Variants in GGNBP2 observed in about 807,000 individuals in gnomAD.
The protein encoded by GGNBP2 is gametogenetin binding protein 2.
GGNBP2 carries 10 observed loss-of-function variants against 85.9 expected under a neutral mutation model. The ratio of observed to expected loss-of-function variants is 0.12; its 90% confidence interval spans 0.07 to 0.20. The LOEUF is 0.20. Ranked by LOEUF, GGNBP2 falls within the 10% of genes least tolerant of loss-of-function variation. The probability of loss-of-function intolerance (pLI) is 1.00; values close to 1 mark genes in which losing one functional copy is unlikely to be tolerated. For synonymous variants in GGNBP2, 287 were observed against 285.7 expected, an observed-to-expected ratio of 1.00 and a Z score of -0.05; for missense variants, 595 against 857.8, an observed-to-expected ratio of 0.69 and a Z score of 3.83.
chr17:36,555,363 C>T (rs907872551), intron 3 of GGNBP2, among the ~76,000 whole-genome samples: 2 of 152,088 alleles, frequency 1.3e-5, no homozygotes, highest in Non-Finnish European at 2.9e-5. Flanking sequence ...GTTCAAGGAT[C>T]CCTAGGCAAA....
intron 8 of GGNBP2, among the ~76,000 whole-genome samples, chr17:36,580,038 C>CA (rs373447873): frequency 3.0e-4 from 46 of 151,056 alleles, no homozygotes; most frequent in African/African-American, 7.8e-4. Flanking sequence ...AAAAACAAAA[C>CA]AAAAAAAACA....
intron 2 of GGNBP2, among the ~76,000 whole-genome samples, 183 bp from the exon 3 acceptor site, chr17:36,554,637 A>C (rs561520985): frequency 6.6e-6 from 1 of 152,086 alleles, no homozygotes; most frequent in East Asian, 1.9e-4. Context: ...TGGCCTCCCA[A>C]AGTGCTGGGA....
At chr17:36,557,535 G>A (rs978534863) in intron 4 of GGNBP2, among the ~76,000 whole-genome samples, 199 bp downstream of exon 4, 1 of 152,096 alleles carries the variant, frequency 6.6e-6, no homozygotes, top group Non-Finnish European at 1.5e-5. Flanking sequence ...AATTTGTCAG[G>A]GATGATAAGT....
In GGNBP2 at chr17:36,545,803, G is replaced by A. The variant is rs544929484; in HGVS notation, c.79G>A (p.Asp27Asn). 1.9e-6 allele frequency: 3 copies of A among 1,565,696 alleles called. No individual in the cohort carries two copies. Among genetic ancestry groups the A allele is most frequent in the Non-Finnish European group, 1.7e-6 (2 of 1,155,504 alleles). ...FERRQIPLYI[D>N]DTLTMVMEFP... ...GAGGAGGCAGATTCCCCTCTACATA[G>A]ACGACACCCTGACGGTGAGCGGGCC... Residue 27 changes from aspartate (D) to asparagine (N), a missense_variant, in exon 2 of 14, where the codon GAC becomes AAC. Asp to Asn is a conservative substitution (Grantham distance 23). This residue lies in a region of GGNBP2 where 216 missense variants were observed against 293.4 expected (regional missense o/e 0.74). Coordinates refer to ENST00000613102, the MANE Select transcript of GGNBP2 (RefSeq NM_024835.5).
chr17:36,570,363 G>C (rs2074510951), intron 6 of GGNBP2, among the ~76,000 whole-genome samples: 1 of 152,126 alleles, frequency 6.6e-6, no homozygotes, highest in Non-Finnish European at 1.5e-5. Context: ...ACTCCAGCTT[G>C]AGCAACAGAG....
At chr17:36,560,337 T>C (rs756575585) in intron 4 of GGNBP2, among the ~76,000 whole-genome samples, 43 of 152,324 alleles carry the variant, frequency 2.8e-4, no homozygotes, top group South Asian at 1.7e-3. Flanking sequence ...AGTAGTAGTG[T>C]GTATTCCATA....
chr17:36,559,533 T>G (rs1038449980), intron 4 of GGNBP2, among the ~76,000 whole-genome samples: 44 of 152,110 alleles, frequency 2.9e-4, no homozygotes, highest in Non-Finnish European at 2.1e-4. Context: ...GGCTTTCCTA[T>G]TTAGAGATGG....
chr17:36,576,751 A>T (rs747083321), intron 6 of GGNBP2: 11 of 150,700 alleles, frequency 7.3e-5, no homozygotes, highest in Non-Finnish European at 1.2e-4. Flanking sequence ...GAAACAAGAA[A>T]GAATGAATAC....
chr17:36,556,608 G>T (rs556947726), intron 3 of GGNBP2, among the ~76,000 whole-genome samples: 1 of 152,182 alleles, frequency 6.6e-6, no homozygotes, highest in Admixed American at 6.6e-5. Flanking sequence ...GGAGGCTGAG[G>T]CAGGAGAATT....
At chr17:36,567,244 A>G (rs1468951206) in intron 5 of GGNBP2, among the ~76,000 whole-genome samples, 1 of 152,170 alleles carries the variant, frequency 6.6e-6, no homozygotes, top group African/African-American at 2.4e-5. Context: ...TAAACTTGAT[A>G]GTCAAGCAGA....
chr17:36,560,381 A>G (rs1188132354), intron 4 of GGNBP2, among the ~76,000 whole-genome samples: 1 of 152,232 alleles, frequency 6.6e-6, no homozygotes, highest in African/African-American at 2.4e-5. Context: ...ACTCCTCTTC[A>G]AGGATGTATT....
At chr17:36,552,448 A>G (rs79545104) in intron 2 of GGNBP2, among the ~76,000 whole-genome samples, 6 of 152,188 alleles carry the variant, frequency 3.9e-5, no homozygotes, top group Non-Finnish European at 8.8e-5. Context: ...AGTCATCCTC[A>G]CCAGATTATT....
rs1029600426 is a variant in GGNBP2, at chr17:36,585,404, C to T, written c.1320C>T (p.Thr440=). The part of the protein sequence containing the change: ...VIVTNENTSC[T]CPSSGNLLGS... Reference sequence around the variant, plus strand: ...TTACCAATGAAAATACATCATGTACCTGTCCTAGCAGTGGCAATCTTTTGG... The same window carrying T: ...TTACCAATGAAAATACATCATGTACTTGTCCTAGCAGTGGCAATCTTTTGG... Residue 440 remains threonine, a synonymous_variant, in exon 10 of 14, where the codon ACC becomes ACT. Transcript: ENST00000613102. 4 of 1,611,530 alleles carry T rather than the reference C, an allele frequency of 2.5e-6. No individual in the cohort carries two copies. Among genetic ancestry groups the T allele is most frequent in the African/African-American group, 2.7e-5 (2 of 74,808 alleles).
intron 13 of GGNBP2, chr17:36,587,447 G>C: frequency 1.7e-6 from 1 of 604,464 alleles, no homozygotes; most frequent in South Asian, 1.9e-5. Flanking sequence ...CGTTTCCATG[G>C]CCGCCTCTGT....
chr17:36,545,672 G>A lies in GGNBP2; in HGVS notation c.-53G>A. On this transcript the variant is annotated 5_prime_UTR_variant, in exon 2 of 14. Transcript: ENST00000613102. ...GGCGGCAGAAACAGCAGCGGCGGCG[G>A]CGGCGGCAGCTGGGAGGAGGTGGTG... The A allele has an allele frequency of 7.2e-7, 1 of 1,387,634 alleles. No homozygotes were observed. Among genetic ancestry groups the A allele is most frequent in the Non-Finnish European group, 1.0e-6 (1 of 999,788 alleles). 86.0% of individuals were successfully genotyped at this position (1,387,634 alleles called of 1,614,324 possible).
At position 36,556,642 on chromosome 17, in the gene GGNBP2, T is replaced by G. The variant is rs542448953; in HGVS notation, c.175-441T>G. On this transcript the variant is annotated intron_variant, in intron 3 of 13. Coordinates refer to ENST00000613102, the MANE Select transcript of GGNBP2 (RefSeq NM_024835.5). ...TTGCTTGAACCCAGGAGGCAGAGGT[T>G]GCAGTGAGCTGAGATTGTGCTACTG... Among the ~76,000 whole-genome samples the G allele has an allele frequency of 6.6e-5, 10 of 151,856 alleles. No individual in the cohort carries two copies. The South Asian group carries it at 2.1e-3, about 32-fold the overall frequency.
At chr17:36,545,554 G>GC (rs979709798) in intron 1 of GGNBP2, 65 bp from the exon 2 acceptor site, 21 of 583,210 alleles carry the variant, frequency 3.6e-5, no homozygotes, top group East Asian at 1.8e-4. Context: ...TCCGCTCCCT[G>GC]CCCCCCGTGG....
chr17:36,561,733 C>T (rs1251397561), intron 5 of GGNBP2, among the ~76,000 whole-genome samples: 1 of 151,916 alleles, frequency 6.6e-6, no homozygotes, highest in African/African-American at 2.4e-5. Context: ...AAGCTGTTCT[C>T]CTGCCCCAGC....
chr17:36,551,572 G>A (rs1201723095), intron 2 of GGNBP2, among the ~76,000 whole-genome samples: 3 of 151,888 alleles, frequency 2.0e-5, no homozygotes, highest in African/African-American at 2.4e-5. Flanking sequence ...GGCTGGGCGC[G>A]GTGGCTCATG....
Sources: allele counts gnomAD v4.1 joint callset (sites outside exome capture counted in the v4.1 genomes callset), GRCh38; gene constraint gnomAD v4.1.1; regional missense constraint gnomAD v4.1.1; transcripts MANE v1.5; gene names NCBI Gene and HGNC (gene_info 2026-07-23, HGNC 2026-07-21).